The following BRCA1 variants were observed in gnomAD, a reference collection of about 807,000 sequenced individuals.
The protein encoded by BRCA1 is BRCA1 DNA repair associated.
In BRCA1, 140 loss-of-function variants were observed where a neutral mutation model predicts 173.7. That is an observed-to-expected ratio of 0.81 (90% CI 0.70 to 0.93). The LOEUF is 0.93. Ranked by LOEUF, BRCA1 falls within the 40% of genes least tolerant of loss-of-function variation. BRCA1 has a pLI of 0.00. For missense variants in BRCA1, 1,983 were observed against 2,172.5 expected (o/e 0.91, Z 1.73); for synonymous variants, 662 against 756.0 (o/e 0.88, Z 2.04).
chr17:43,073,766 A>ATATT (rs1555581652), intron 14 of BRCA1, among the ~76,000 whole-genome samples: 8 of 151,130 alleles, frequency 5.3e-5, no homozygotes, highest in African/African-American at 1.2e-4. Context: ...ATATATATAT[A>ATATT]TTTTTTGAGA....
At chr17:43,136,780 A>G (rs1243240749) in intron 1 of BRCA1, among the ~76,000 whole-genome samples, 1 of 152,200 alleles carries the variant, frequency 6.6e-6, no homozygotes, top group African/African-American at 2.4e-5. Flanking sequence ...AAAAGGAAAC[A>G]ACAGGTGCTG....
intron 13 of BRCA1, 106 bp from the exon 14 acceptor site, chr17:43,074,627 A>G (rs1168130914): frequency 2.8e-6 from 3 of 1,076,856 alleles, no homozygotes; most frequent in Non-Finnish European, 4.1e-6. Flanking sequence ...TGTCAGAGAG[A>G]TCAGAAATGA....
chr17:43,065,081 T>C (rs1197552374), intron 16 of BRCA1, among the ~76,000 whole-genome samples: 1 of 151,934 alleles, frequency 6.6e-6, no homozygotes, highest in African/African-American at 2.4e-5. Context: ...CTGCCCGCCT[T>C]GGCCCCCCAA....
Position 43,092,100 on chromosome 17 carries a change from T to C in BRCA1, c.3431A>G (p.Gln1144Arg), listed in dbSNP as rs773638815. 1.2e-6 allele frequency: 2 copies of C among 1,613,884 alleles called. No individual in the cohort carries two copies. Among genetic ancestry groups the C allele is most frequent in the Admixed American group, 3.3e-5 (2 of 60,020 alleles). Residue 1144 changes from glutamine (Q) to arginine (R), a missense_variant, in exon 10 of 23, where the codon CAG (glutamine) becomes CGG (arginine). Physicochemically the swap from Gln to Arg is conservative, Grantham distance 43 (BLOSUM62 1). Transcript: ENST00000357654. ...GTCATCAGGTGTCTCAGAACAAACC[T>C]GAGATGCATGACTACTTCCCATAGG... ...EQPMGSSHAS[Q>R]VCSETPDDLL... is the part of the protein sequence containing the mutation.
chr17:43,135,569 C>T (rs562384400), intron 1 of BRCA1, among the ~76,000 whole-genome samples: 5 of 152,330 alleles, frequency 3.3e-5, no homozygotes, highest in East Asian at 1.9e-4. Context: ...AGCCTTCATC[C>T]GCGTGGAACC....
intron 2 of BRCA1, among the ~76,000 whole-genome samples, chr17:43,121,577 G>A (rs1489254357): frequency 6.6e-6 from 1 of 150,720 alleles, no homozygotes; most frequent in Non-Finnish European, 1.5e-5. Flanking sequence ...CAGGTACTCC[G>A]GAGGCTGAGG....
At chr17:43,070,813 T>C in intron 15 of BRCA1, 115 bp downstream of exon 15, 1 of 1,232,060 alleles carries the variant, frequency 8.1e-7, no homozygotes, top group Admixed American at 1.9e-5. Context: ...CACAGAACTG[T>C]GATTGTTTTC....
chr17:43,090,112 T>C (rs544009377), intron 11 of BRCA1, among the ~76,000 whole-genome samples: 2 of 151,380 alleles, frequency 1.3e-5, no homozygotes, highest in Admixed American at 1.3e-4. Context: ...ATGGTCTCTA[T>C]TAGGAAGAGA....
intron 2 of BRCA1, among the ~76,000 whole-genome samples, 186 bp from the exon 3 acceptor site, chr17:43,115,965 C>T (rs1032970108): frequency 2.6e-5 from 4 of 152,120 alleles, no homozygotes; most frequent in Non-Finnish European, 5.9e-5. Context: ...GCAGAGAATA[C>T]GATCCTTACC....
At chr17:43,077,413 C>T (rs901984418) in intron 12 of BRCA1, among the ~76,000 whole-genome samples, 1 of 152,032 alleles carries the variant, frequency 6.6e-6, no homozygotes, top group African/African-American at 2.4e-5. Flanking sequence ...TCACTGCAAC[C>T]TCCACCTCCT....
At chr17:43,155,976 A>G (rs1373890466) in intron 1 of BRCA1, among the ~76,000 whole-genome samples, 1 of 152,132 alleles carries the variant, frequency 6.6e-6, no homozygotes, top group African/African-American at 2.4e-5. Context: ...GGTGGCTCAC[A>G]CTGTAATCCC....
At chr17:43,145,113 A>G (rs1428370852) in intron 1 of BRCA1, 13 of 720,472 alleles carry the variant, frequency 1.8e-5, no homozygotes, top group Non-Finnish European at 3.1e-5. Flanking sequence ...GTGCAAAAAA[A>G]GGGAAAAGGG....
chr17:43,108,917 C>T (rs772761024), intron 3 of BRCA1, among the ~76,000 whole-genome samples: 3 of 151,786 alleles, frequency 2.0e-5, no homozygotes, highest in Non-Finnish European at 4.4e-5. Flanking sequence ...CTCTTGAACC[C>T]GGGAGGCGGA....
At chr17:43,113,506 A>T (rs1388814325) in intron 3 of BRCA1, among the ~76,000 whole-genome samples, 1 of 152,060 alleles carries the variant, frequency 6.6e-6, no homozygotes, top group Non-Finnish European at 1.5e-5. Flanking sequence ...AGCTGGGACT[A>T]CAGGTACGTG....
chr17:43,152,656 C>T (rs2056169717), intron 1 of BRCA1, among the ~76,000 whole-genome samples: 2 of 152,108 alleles, frequency 1.3e-5, no homozygotes, highest in South Asian at 4.1e-4. Flanking sequence ...AGATCGAGAC[C>T]ATCCTGGCTA....
intron 18 of BRCA1, among the ~76,000 whole-genome samples, chr17:43,057,763 G>A (rs573905924): frequency 6.6e-5 from 10 of 151,798 alleles, no homozygotes; most frequent in Non-Finnish European, 5.9e-5. Context: ...GTGAACCCGG[G>A]AGGCGGAGCT....
chr17:43,056,659 T>G, intron 19 of BRCA1, among the ~76,000 whole-genome samples: 2 of 144,474 alleles, frequency 1.4e-5, no homozygotes, highest in East Asian at 2.0e-4. Flanking sequence ...GGCAATGGAG[T>G]GAGACTCCGT....
intron 1 of BRCA1, among the ~76,000 whole-genome samples, chr17:43,145,619 C>T (rs1448398283): frequency 6.6e-6 from 1 of 152,210 alleles, no homozygotes; most frequent in African/African-American, 2.4e-5. Context: ...AGCCACTGCG[C>T]CCGGCCTCCA....
chr17:43,132,176 T>A (rs1371470159), intron 1 of BRCA1, among the ~76,000 whole-genome samples: 1 of 152,206 alleles, frequency 6.6e-6, no homozygotes, highest in Admixed American at 6.5e-5. Context: ...GGTACTTGCC[T>A]GAGGTCACAC....
Sources: gnomAD v4.1 joint callset for allele counts (sites outside exome capture counted in the v4.1 genomes callset) on GRCh38, gnomAD v4.1.1 for gene constraint, MANE v1.5 for transcripts, NCBI Gene and HGNC (gene_info 2026-07-23, HGNC 2026-07-21) for gene names.